The following CDC73 variants were observed in gnomAD, a reference collection of about 807,000 sequenced individuals.
The protein encoded by CDC73 is parafibromin.
CDC73 carries 21 observed loss-of-function variants against 83.7 expected under a neutral mutation model. The ratio of observed to expected loss-of-function variants is 0.25; its 90% CI spans 0.18 to 0.36. The LOEUF (loss-of-function observed/expected upper bound fraction) is 0.36. CDC73 is among the 10% of genes least tolerant of loss of function. The pLI is 1.00. For missense variants in CDC73, 342 were observed against 653.3 expected, an observed-to-expected ratio of 0.52 and a Z score of 5.19; for synonymous variants, 224 against 212.9, an observed-to-expected ratio of 1.05 and a Z score of -0.45.
At chr1:193,140,784 G>A (rs1054521475) in intron 6 of CDC73, among the ~76,000 whole-genome samples, 20 of 152,234 alleles carry the variant, frequency 1.3e-4, no homozygotes, top group Admixed American at 1.3e-4. Flanking sequence ...TAAAACTTAC[G>A]AATTATTTAT....
intron 11 of CDC73, among the ~76,000 whole-genome samples, chr1:193,210,906 T>C (rs925266142): frequency 1.3e-5 from 2 of 152,214 alleles, no homozygotes; most frequent in Non-Finnish European, 2.9e-5. Context: ...AAAAGGAATC[T>C]TTTAGCCTTA....
At chr1:193,132,895 ATTTTTTTTTT>A (rs781435930) in intron 3 of CDC73, among the ~76,000 whole-genome samples, 1 of 113,196 alleles carries the variant, frequency 8.8e-6, no homozygotes, top group Non-Finnish European at 1.8e-5. Context: ...TTTCCTGTAG[ATTTTTTTTTT>A]TTTTTTTTTT....
At chr1:193,188,528 C>T (rs1193901856) in intron 10 of CDC73, among the ~76,000 whole-genome samples, 1 of 151,544 alleles carries the variant, frequency 6.6e-6, no homozygotes, top group Non-Finnish European at 1.5e-5. Flanking sequence ...TTCACTTTTT[C>T]AACAGGTACA....
intron 15 of CDC73, among the ~76,000 whole-genome samples, chr1:193,240,020 A>T (rs1347840438): frequency 1.3e-5 from 2 of 151,938 alleles, no homozygotes; most frequent in African/African-American, 4.8e-5. Flanking sequence ...ACATACACAC[A>T]CCCTTCCAAC....
chr1:193,135,837 T>C (rs534295036), intron 5 of CDC73, among the ~76,000 whole-genome samples: 6 of 151,674 alleles, frequency 4.0e-5, no homozygotes, highest in African/African-American at 1.4e-4. Context: ...ACCTATTGGC[T>C]CAAGGGTCAG....
At chr1:193,232,304 C>T (rs1248015492) in intron 13 of CDC73, among the ~76,000 whole-genome samples, 2 of 151,992 alleles carry the variant, frequency 1.3e-5, no homozygotes, top group Admixed American at 6.5e-5. Flanking sequence ...CTAGCCACAA[C>T]AACTTTTTCA....
At chr1:193,142,892 T>G (rs1049956656) in intron 7 of CDC73, among the ~76,000 whole-genome samples, 1 of 152,202 alleles carries the variant, frequency 6.6e-6, no homozygotes, top group Non-Finnish European at 1.5e-5. Context: ...TTTATCCTGA[T>G]TTATGTACTT....
intron 10 of CDC73, among the ~76,000 whole-genome samples, chr1:193,158,357 T>C (rs1222789007): frequency 7.5e-6 from 1 of 133,866 alleles, no homozygotes; most frequent in Non-Finnish European, 1.6e-5. Flanking sequence ...GTAATTTCTT[T>C]TAGTTTTAAG....
chr1:193,238,097 T>G (rs1035978954), intron 15 of CDC73, among the ~76,000 whole-genome samples: 2 of 152,194 alleles, frequency 1.3e-5, no homozygotes, highest in Non-Finnish European at 2.9e-5. Context: ...ATATAAAGTT[T>G]TAATTTTTGT....
chr1:193,155,648 G>T (rs1211530244), intron 10 of CDC73, among the ~76,000 whole-genome samples: 1 of 152,006 alleles, frequency 6.6e-6, no homozygotes, highest in Non-Finnish European at 1.5e-5. Flanking sequence ...GTGATGACGT[G>T]TGCATGTAAT....
At chr1:193,193,734 C>T (rs1033207702) in intron 10 of CDC73, among the ~76,000 whole-genome samples, 1 of 151,128 alleles carries the variant, frequency 6.6e-6, no homozygotes, top group African/African-American at 2.4e-5. Flanking sequence ...TTATTACTGT[C>T]TCCAGAATTT....
Position 193,251,147 on chromosome 1 carries a change from AG to A in CDC73, c.*438del, listed in dbSNP as rs1320547761. On this transcript the variant is annotated 3_prime_UTR_variant, in exon 17 of 17. Coordinates refer to ENST00000367435, the MANE Select transcript of CDC73 (RefSeq NM_024529.5). ...CTCTGGAACATCCAAAACCAAGCAA[AG>A]GGATGTGACTATTTTGAATGAATCA... The A allele has an allele frequency of 4.0e-6, 1 of 249,520 alleles. No individual in the cohort carries two copies. Among genetic ancestry groups the A allele is most frequent in the East Asian group, 5.7e-5 (1 of 17,446 alleles). 15.5% of individuals were successfully genotyped at this position (249,520 alleles called of 1,614,324 possible).
At chr1:193,213,573 G>A (rs1231481555) in intron 13 of CDC73, among the ~76,000 whole-genome samples, 1 of 152,132 alleles carries the variant, frequency 6.6e-6, no homozygotes, top group Non-Finnish European at 1.5e-5. Flanking sequence ...TCACTAGTTG[G>A]AGCGAAGGTG....
chr1:193,136,453 A>G (rs777385686), intron 5 of CDC73: 1 of 266,144 alleles, frequency 3.8e-6, no homozygotes, highest in South Asian at 3.0e-5. Context: ...TTATTGCTCT[A>G]TGCTATGTGT....
intron 13 of CDC73, among the ~76,000 whole-genome samples, chr1:193,225,245 G>GATTGATATATATATATATATAT (rs1677546228): frequency 7.0e-6 from 1 of 143,562 alleles, no homozygotes; most frequent in African/African-American, 2.6e-5. Context: ...AGTATTCCAT[G>GATTGATATATATATATATATAT]ATATATATAT....
intron 2 of CDC73, among the ~76,000 whole-genome samples, chr1:193,127,617 G>A (rs1675602004): frequency 6.6e-6 from 1 of 152,032 alleles, no homozygotes; most frequent in Admixed American, 6.6e-5. Context: ...CTGTTTTTGG[G>A]AAATGGTTGT....
intron 10 of CDC73, among the ~76,000 whole-genome samples, chr1:193,192,010 A>G (rs553190996): frequency 3.7e-4 from 56 of 152,344 alleles, no homozygotes; most frequent in African/African-American, 1.3e-3. Flanking sequence ...ATAACAAACA[A>G]TTTGTAAATT....
At chr1:193,179,516 A>C (rs1676673902) in intron 10 of CDC73, 1 of 152,660 alleles carries the variant, frequency 6.6e-6, no homozygotes, top group African/African-American at 2.4e-5. Context: ...CTAATCCAAT[A>C]ACTCATTGAA....
chr1:193,238,165 T>C (rs1209700647), intron 15 of CDC73, among the ~76,000 whole-genome samples: 4 of 152,212 alleles, frequency 2.6e-5, no homozygotes, highest in African/African-American at 9.6e-5. Context: ...CAATCATCAG[T>C]GATTTACTTT....
Sources: allele counts gnomAD v4.1 joint callset (sites outside exome capture counted in the v4.1 genomes callset), GRCh38; gene constraint gnomAD v4.1.1; transcripts MANE v1.5; gene names NCBI Gene and HGNC (gene_info 2026-07-23, HGNC 2026-07-21).